The following SLC15A2 variants were observed in gnomAD, a reference collection of about 807,000 sequenced individuals.
SLC15A2 encodes solute carrier family 15 member 2, also known as kidney H(+)/peptide cotransporter.
SLC15A2 carries 77 observed loss-of-function variants against 95.5 expected under a neutral mutation model. The ratio of observed to expected loss-of-function variants is 0.81; its 90% CI spans 0.67 to 0.97. SLC15A2 has a LOEUF of 0.97. Ranked by LOEUF, SLC15A2 falls within the 50% of genes least tolerant of loss-of-function variation. The pLI, the probability that SLC15A2 is intolerant of heterozygous loss-of-function variation, is 0.00. For synonymous variants in SLC15A2, 306 were observed against 306.9 expected (o/e 1.00, Z 0.03); for missense variants, 893 against 874.4 (o/e 1.02, Z -0.27).
intron 6 of SLC15A2, 143 bp downstream of exon 6, chr3:121,915,460 C>G (rs1404859616): frequency 7.6e-6 from 6 of 791,986 alleles, no homozygotes; most frequent in Non-Finnish European, 1.3e-5. Context: ...TTTGTCTGGC[C>G]CAAAAGAAGA....
At chr3:121,937,161 AG>A (rs1710364128) in intron 19 of SLC15A2, among the ~76,000 whole-genome samples, 1 of 74,490 alleles carries the variant, frequency 1.3e-5, no homozygotes, top group Non-Finnish European at 2.5e-5. Context: ...CTTCCCTTTG[AG>A]GGTAACCCGA....
intron 3 of SLC15A2, among the ~76,000 whole-genome samples, chr3:121,902,985 T>C (rs1477283474): frequency 1.3e-5 from 2 of 152,238 alleles, no homozygotes; most frequent in Non-Finnish European, 2.9e-5. Flanking sequence ...GTAAAAGTGT[T>C]CCTATTTCTC....
At chr3:121,928,388 T>C in intron 14 of SLC15A2, 33 bp from the exon 15 acceptor site, 1 of 1,607,772 alleles carries the variant, frequency 6.2e-7, no homozygotes, top group Non-Finnish European at 8.5e-7. Context: ...GGATTATTTG[T>C]TGGTGATTCT....
rs1709768814 is a variant in SLC15A2, at chr3:121,911,611, C to T, written c.373C>T (p.His125Tyr). 6.2e-7 allele frequency: 1 copy of T among 1,614,004 alleles called. No homozygotes were observed. Among genetic ancestry groups the T allele is most frequent in the Non-Finnish European group, 8.5e-7 (1 of 1,179,902 alleles). Residue 125 changes from histidine to tyrosine, a missense_variant, in exon 4 of 22, where the codon CAT (histidine) becomes TAT (tyrosine). By Grantham distance (83) the His-to-Tyr change is moderately conservative (BLOSUM62 2). Coordinates refer to ENST00000489711, the MANE Select transcript of SLC15A2 (RefSeq NM_021082.4). ...IYLSLVYVLGHVIKSLGALPI... is the reference protein window; with the variant it reads ...IYLSLVYVLGYVIKSLGALPI... ...TCTCTCCTTGGTGTATGTGCTTGGC[C>T]ATGTGATCAAGTCCTTGGGTGCCTT...
chr3:121,921,833 G>C (rs983624465), intron 7 of SLC15A2, among the ~76,000 whole-genome samples: 3 of 152,204 alleles, frequency 2.0e-5, no homozygotes, highest in African/African-American at 7.2e-5. Context: ...GTTAAAGAAA[G>C]AGGACCAATA....
intron 7 of SLC15A2, 85 bp from the exon 8 acceptor site, chr3:121,922,135 T>C (rs1710017366): frequency 2.7e-6 from 3 of 1,113,416 alleles, no homozygotes; most frequent in Non-Finnish European, 4.0e-6. Flanking sequence ...GTTTTTGCCA[T>C]TGAAAGTAAT....
Position 121,911,570 on chromosome 3 carries a change from A to G in SLC15A2, c.336-4A>G. 1 of 1,610,816 alleles carries G rather than the reference A, an allele frequency of 6.2e-7. No homozygotes were observed. Among genetic ancestry groups the G allele is most frequent in the Non-Finnish European group, 8.5e-7 (1 of 1,177,018 alleles). ...TAGACTGACTGATTTAGCTCTCTCA[A>G]CAGGACAATCATCTATCTCTCCTTG... is the stretch of plus-strand genomic sequence containing the variant. On this transcript the variant is annotated splice_region_variant and splice_polypyrimidine_tract_variant and intron_variant, in intron 3 of 21. Transcript: ENST00000489711.
intron 4 of SLC15A2, 47 bp downstream of exon 4, chr3:121,911,713 G>C: frequency 8.2e-7 from 1 of 1,212,438 alleles, no homozygotes; most frequent in Non-Finnish European, 1.2e-6. Context: ...TCAGACATTT[G>C]TTACAAATTA....
chr3:121,915,621 G>A lies in SLC15A2; in HGVS notation c.625G>A (p.Val209Met). Residue 209 changes from valine to methionine, a missense_variant, in exon 7 of 22, where the codon GTG (valine) becomes ATG (methionine). Transcript: ENST00000489711. ...TFITPMLRGDVQCFGEDCYAL... is the reference protein window; with the variant it reads ...TFITPMLRGDMQCFGEDCYAL... The stretch of plus-strand genomic sequence containing the variant: ...TCCCATCCCATTTTCTTTAGGAGAT[G>A]TGCAATGTTTTGGAGAAGACTGCTA... 1 of 1,612,892 alleles carries A rather than the reference G, an allele frequency of 6.2e-7. No individual in the cohort carries two copies. The highest frequency in any genetic ancestry group is 8.5e-7 in the Non-Finnish European group (1 of 1,178,854).
chr3:121,930,430 A>C (rs1270554129), intron 17 of SLC15A2, among the ~76,000 whole-genome samples: 13 of 152,234 alleles, frequency 8.5e-5, no homozygotes, highest in Non-Finnish European at 1.6e-4. Context: ...AAATACTATC[A>C]TATCTTTATA....
At position 121,895,000 on chromosome 3, in the gene SLC15A2, T is replaced by C. The variant is rs568674647; in HGVS notation, c.105+419T>C. ...ACACCAATGGAAGTTTCAGAATAGA[T>C]CCAATTTCTGTTACTATGTGTTCCC... is the stretch of plus-strand genomic sequence containing the variant. On this transcript the variant is annotated intron_variant, in intron 1 of 21. Coordinates refer to ENST00000489711, the MANE Select transcript of SLC15A2 (RefSeq NM_021082.4). Among the ~76,000 whole-genome samples, 13 of 152,318 alleles carry C rather than the reference T, an allele frequency of 8.5e-5. 1 individual carries two copies. In the East Asian group the frequency reaches 2.3e-3, roughly 27 times the overall value.
rs772806361 is a variant in SLC15A2, at chr3:121,941,947, AAT to A, written c.*941_*942del. On this transcript the variant is annotated 3_prime_UTR_variant, in exon 22 of 22. Coordinates refer to ENST00000489711, the MANE Select transcript of SLC15A2 (RefSeq NM_021082.4). ...ATTGCAGCAAATATTCAATAACAACAATGTTTCTATAAGTCCAACTTCCTTTA... is the reference window on the plus strand; with the variant it reads ...ATTGCAGCAAATATTCAATAACAACAGTTTCTATAAGTCCAACTTCCTTTA... 3 of 152,100 alleles carry A rather than the reference AAT, an allele frequency of 2.0e-5. No individual in the cohort carries two copies. Among genetic ancestry groups the A allele is most frequent in the Non-Finnish European group, 2.9e-5 (2 of 68,006 alleles). The allele number at this position is 152,100 out of a possible 1,614,324, so 9.4% of individuals were successfully genotyped here.
intron 5 of SLC15A2, among the ~76,000 whole-genome samples, chr3:121,914,724 C>A (rs1238803779): frequency 6.6e-6 from 1 of 151,958 alleles, no homozygotes; most frequent in Non-Finnish European, 1.5e-5. Context: ...AAGAAACTCA[C>A]AACATACTGA....
At chr3:121,914,352 C>T (rs1030415461) in intron 5 of SLC15A2, among the ~76,000 whole-genome samples, 2 of 152,116 alleles carry the variant, frequency 1.3e-5, no homozygotes, top group African/African-American at 4.8e-5. Flanking sequence ...ACATCAGCAA[C>T]TTTATTTGAA....
intron 19 of SLC15A2, among the ~76,000 whole-genome samples, chr3:121,938,994 T>C (rs1710406035): frequency 6.6e-6 from 1 of 152,262 alleles, no homozygotes; most frequent in Admixed American, 6.5e-5. Flanking sequence ...ACCAAGGGAA[T>C]TATCTGAAAA....
chr3:121,913,041 T>C lies in SLC15A2; in HGVS notation c.449T>C (p.Leu150Pro). 1 of 1,613,110 alleles carries C rather than the reference T, an allele frequency of 6.2e-7. No individual in the cohort carries two copies. Among genetic ancestry groups the C allele is most frequent in the Non-Finnish European group, 8.5e-7 (1 of 1,179,220 alleles). ...VVHTVLSLIG[L>P]SLIALGTGGI... Reference sequence around the variant, plus strand: ...TTCAGAGTCCTATCATTGATCGGCCTGAGTCTAATAGCTTTGGGGACAGGA... The same window carrying C: ...TTCAGAGTCCTATCATTGATCGGCCCGAGTCTAATAGCTTTGGGGACAGGA... Residue 150 changes from leucine (L) to proline (P), a missense_variant, in exon 5 of 22, where the codon CTG becomes CCG. Leu to Pro is a moderately conservative substitution (Grantham distance 98, BLOSUM62 -3). Transcript: ENST00000489711.
intron 3 of SLC15A2, among the ~76,000 whole-genome samples, chr3:121,901,187 T>A (rs1329867456): frequency 1.3e-5 from 2 of 151,898 alleles, no homozygotes; most frequent in Non-Finnish European, 2.9e-5. Context: ...CCCGGCTAAT[T>A]TTTGTATTTT....
At chr3:121,909,871 A>G (rs987247897) in intron 3 of SLC15A2, among the ~76,000 whole-genome samples, 56 of 152,106 alleles carry the variant, frequency 3.7e-4, no homozygotes, top group African/African-American at 1.1e-3. Flanking sequence ...GTGGCCCAAG[A>G]CAATATATCT....
rs2107596508 is a variant in SLC15A2, at chr3:121,923,050, T to C, written c.878T>C (p.Ile293Thr). The C allele has an allele frequency of 1.2e-6, 2 of 1,613,962 alleles. No individual in the cohort carries two copies. Among genetic ancestry groups the C allele is most frequent in the Non-Finnish European group, 1.7e-6 (2 of 1,179,872 alleles). Residue 293 changes from isoleucine to threonine, a missense_variant, in exon 10 of 22, where the codon ATT (isoleucine) becomes ACT (threonine). By Grantham distance (89) the Ile-to-Thr change is moderately conservative (BLOSUM62 -1). Coordinates refer to ENST00000489711, the MANE Select transcript of SLC15A2 (RefSeq NM_021082.4). ...WAAEKYPKQL[I>T]MDVKALTRVL... ...TCCTCCTTTTCGCAGAAGCAGCTCA[T>C]TATGGATGTAAAGGCACTGACCAGG...
Sources: allele counts gnomAD v4.1 joint callset (sites outside exome capture counted in the v4.1 genomes callset), GRCh38; gene constraint gnomAD v4.1.1; transcripts MANE v1.5; gene names NCBI Gene and HGNC (gene_info 2026-07-23, HGNC 2026-07-21).